LRRC4C: variants seen among roughly 807,000 people sequenced by gnomAD.
The protein encoded by LRRC4C is leucine-rich repeat-containing protein 4C.
A neutral mutation model predicts 33.6 loss-of-function variants in LRRC4C; 5 were observed. The ratio of observed to expected loss-of-function variants is 0.15; its 90% CI spans 0.08 to 0.31. The LOEUF is 0.31. Ranked by LOEUF, LRRC4C falls within the 10% of genes least tolerant of loss-of-function variation. The pLI, the probability that LRRC4C is intolerant of heterozygous loss-of-function variation, is 1.00. For missense variants in LRRC4C, 560 were observed against 796.7 expected, an observed-to-expected ratio of 0.70 and a Z score of 3.58; for synonymous variants, 329 against 302.0, an observed-to-expected ratio of 1.09 and a Z score of -0.93.
chr11:41,386,393 A>G (rs1363253713), intron 1 of LRRC4C, among the ~76,000 whole-genome samples: 1 of 151,744 alleles, frequency 6.6e-6, no homozygotes, highest in Non-Finnish European at 1.5e-5. Context: ...TGCCCTTCAC[A>G]CAGCTTCCTC....
intron 2 of LRRC4C, among the ~76,000 whole-genome samples, chr11:40,659,601 A>G (rs1361384006): frequency 6.6e-6 from 1 of 152,190 alleles, no homozygotes; most frequent in South Asian, 2.1e-4. Context: ...ACTACCAGCT[A>G]TGGGAAGGAA....
chr11:40,268,690 A>G (rs1027318720), intron 4 of LRRC4C, among the ~76,000 whole-genome samples: 1 of 152,196 alleles, frequency 6.6e-6, no homozygotes, highest in Non-Finnish European at 1.5e-5. Context: ...GATTAAAAAT[A>G]TGGCTTTTAA....
At chr11:41,386,120 T>C (rs1953350209) in intron 1 of LRRC4C, among the ~76,000 whole-genome samples, 2 of 151,666 alleles carry the variant, frequency 1.3e-5, no homozygotes, top group Admixed American at 6.6e-5. Flanking sequence ...TGTATATATA[T>C]TTAATACTGT....
At chr11:40,502,924 G>A (rs780115369) in intron 3 of LRRC4C, among the ~76,000 whole-genome samples, 3 of 152,208 alleles carry the variant, frequency 2.0e-5, no homozygotes, top group Admixed American at 1.3e-4. Context: ...TCTCGCTTTG[G>A]CAAAGTGAAT....
intron 4 of LRRC4C, among the ~76,000 whole-genome samples, chr11:40,273,615 A>G (rs912200490): frequency 1.3e-5 from 2 of 152,112 alleles, no homozygotes; most frequent in Non-Finnish European, 2.9e-5. Context: ...AGTCTATTTT[A>G]TCATAAAACA....
At chr11:41,297,983 T>C (rs1950188291) in intron 1 of LRRC4C, among the ~76,000 whole-genome samples, 2 of 152,166 alleles carry the variant, frequency 1.3e-5, no homozygotes. Flanking sequence ...CACACCCTTA[T>C]ATCAATCAGG....
At chr11:40,685,365 A>AT (rs200590541) in intron 2 of LRRC4C, among the ~76,000 whole-genome samples, 3,033 of 152,034 alleles carry the variant, frequency 0.02, 102 homozygotes, top group African/African-American at 0.068. Flanking sequence ...AGCAACTTCA[A>AT]TTTTTTTAAT....
At chr11:40,462,707 T>C (rs1444963194) in intron 3 of LRRC4C, among the ~76,000 whole-genome samples, 1 of 152,054 alleles carries the variant, frequency 6.6e-6, no homozygotes, top group African/African-American at 2.4e-5. Flanking sequence ...TTAAAAAAGA[T>C]TGGAAGCAGC....
At chr11:41,183,880 C>A (rs945667464) in intron 1 of LRRC4C, among the ~76,000 whole-genome samples, 3 of 152,192 alleles carry the variant, frequency 2.0e-5, no homozygotes, top group African/African-American at 7.2e-5. Flanking sequence ...GAAATCTAGG[C>A]AGAGGTTCCC....
intron 4 of LRRC4C, among the ~76,000 whole-genome samples, chr11:40,302,186 G>A (rs923556853): frequency 6.6e-6 from 1 of 152,082 alleles, no homozygotes; most frequent in Non-Finnish European, 1.5e-5. Context: ...GTGAACACAG[G>A]GTGACTGTTA....
intron 1 of LRRC4C, among the ~76,000 whole-genome samples, chr11:41,124,320 C>T (rs1565405225): frequency 6.6e-6 from 1 of 152,144 alleles, no homozygotes; most frequent in Non-Finnish European, 1.5e-5. Context: ...GATTAAAACC[C>T]CATCTTCTGC....
intron 1 of LRRC4C, among the ~76,000 whole-genome samples, chr11:41,032,106 A>C (rs1391515490): frequency 6.6e-6 from 1 of 152,038 alleles, no homozygotes; most frequent in African/African-American, 2.4e-5. Context: ...TGAAACACAC[A>C]ATGGGAATTT....
At chr11:41,312,887 T>C (rs958950364) in intron 1 of LRRC4C, among the ~76,000 whole-genome samples, 1 of 152,186 alleles carries the variant, frequency 6.6e-6, no homozygotes, top group East Asian at 1.9e-4. Flanking sequence ...GTTGGCAGTA[T>C]ACATAAAACG....
chr11:40,349,253 T>C (rs1947274030), intron 3 of LRRC4C, among the ~76,000 whole-genome samples: 1 of 152,264 alleles, frequency 6.6e-6, no homozygotes, highest in South Asian at 2.1e-4. Context: ...ATCATTCTAC[T>C]CTCTATCTCC....
intron 3 of LRRC4C, among the ~76,000 whole-genome samples, chr11:40,492,059 G>C (rs1954187273): frequency 1.3e-5 from 2 of 152,082 alleles, no homozygotes; most frequent in African/African-American, 4.8e-5. Context: ...TTTTTCTAGA[G>C]GCCTTCTTTA....
intron 5 of LRRC4C, among the ~76,000 whole-genome samples, chr11:40,165,545 G>A (rs906535820): frequency 1.3e-5 from 2 of 152,176 alleles, no homozygotes; most frequent in Non-Finnish European, 2.9e-5. Context: ...ACTGATTTTG[G>A]ACTCTGCAAT....
intron 2 of LRRC4C, among the ~76,000 whole-genome samples, chr11:40,671,545 A>T (rs551506803): frequency 6.6e-6 from 1 of 152,054 alleles, no homozygotes; most frequent in South Asian, 2.1e-4. Context: ...TCTATATAGC[A>T]CAAGTTTATT....
chr11:40,274,947 G>A (rs1183924669), intron 4 of LRRC4C, among the ~76,000 whole-genome samples: 2 of 152,106 alleles, frequency 1.3e-5, no homozygotes, highest in South Asian at 2.1e-4. Flanking sequence ...GGGCTCTAAT[G>A]TTTATAGCTT....
intron 1 of LRRC4C, among the ~76,000 whole-genome samples, chr11:41,097,588 T>G (rs943746123): frequency 6.6e-6 from 1 of 152,138 alleles, no homozygotes; most frequent in Non-Finnish European, 1.5e-5. Flanking sequence ...AAATAACACC[T>G]AATGAAATAT....
Sources: gnomAD v4.1 joint callset for allele counts (sites outside exome capture counted in the v4.1 genomes callset) on GRCh38, gnomAD v4.1.1 for gene constraint, MANE v1.5 for transcripts, NCBI Gene and HGNC (gene_info 2026-07-23, HGNC 2026-07-21) for gene names.